Variants in ZHX3 observed in about 807,000 individuals in gnomAD.
The protein encoded by ZHX3 is zinc fingers and homeoboxes protein 3.
In ZHX3, 20 loss-of-function variants were observed where a neutral mutation model predicts 64.5. That is an observed-to-expected ratio of 0.31 (90% CI 0.22 to 0.45). The LOEUF is 0.45. Ranked by LOEUF, ZHX3 falls within the 20% of genes least tolerant of loss-of-function variation. ZHX3 has a pLI of 1.00. For synonymous variants in ZHX3, 423 were observed against 461.6 expected (o/e 0.92, Z 1.07); for missense variants, 1,041 against 1,195.8 (o/e 0.87, Z 1.91).
At position 41,181,224 on chromosome 20, in the gene ZHX3, T is replaced by G. The variant is rs1357630451; in HGVS notation, c.*3967A>C. On this transcript the variant is annotated 3_prime_UTR_variant, in exon 4 of 4. Coordinates refer to ENST00000683867, the MANE Select transcript of ZHX3 (RefSeq NM_001384317.1). ...GCTGCTGGCTTTGCCCTGGAAGACT[T>G]GACTATGTGGGCCTTCATGTGTCTA... 6.6e-6 allele frequency: 1 copy of G among 152,212 alleles called. No homozygotes were observed. Among genetic ancestry groups the G allele is most frequent in the Non-Finnish European group, 1.5e-5 (1 of 68,080 alleles). The allele number at this position is 152,212 out of a possible 1,614,324, so 9.4% of individuals were successfully genotyped here. A position where few individuals can be genotyped will look rare whatever the true frequency, so the allele number is the denominator to read the frequency against.
intron 2 of ZHX3, among the ~76,000 whole-genome samples, chr20:41,222,640 T>C (rs1396507991): frequency 6.6e-6 from 1 of 152,124 alleles, no homozygotes; most frequent in African/African-American, 2.4e-5. Flanking sequence ...GAAATTGCAC[T>C]CTCTGAGGTG....
intron 1 of ZHX3, among the ~76,000 whole-genome samples, chr20:41,307,541 T>G (rs1335912504): frequency 6.6e-6 from 1 of 152,240 alleles, no homozygotes; most frequent in Non-Finnish European, 1.5e-5. Context: ...ATAAAAGCCC[T>G]TCTCCACCAA....
intron 2 of ZHX3, among the ~76,000 whole-genome samples, chr20:41,257,740 T>C (rs1443133883): frequency 6.7e-6 from 1 of 150,308 alleles, no homozygotes; most frequent in East Asian, 1.9e-4. Flanking sequence ...GCCTCCTTAG[T>C]AGCTGGGACT....
chr20:41,247,944 C>G (rs917334029), intron 2 of ZHX3, among the ~76,000 whole-genome samples: 1 of 152,218 alleles, frequency 6.6e-6, no homozygotes, highest in Non-Finnish European at 1.5e-5. Flanking sequence ...GCTTCAAGCT[C>G]TTACAGAGCC....
chr20:41,286,691 T>G (rs1259486857), intron 1 of ZHX3, among the ~76,000 whole-genome samples: 1 of 152,164 alleles, frequency 6.6e-6, no homozygotes, highest in Non-Finnish European at 1.5e-5. Context: ...TAACCTCATC[T>G]CTTCTCTTCT....
At chr20:41,255,509 T>C (rs2042202767) in intron 2 of ZHX3, among the ~76,000 whole-genome samples, 1 of 152,182 alleles carries the variant, frequency 6.6e-6, no homozygotes, top group African/African-American at 2.4e-5. Flanking sequence ...ACAAATTAAT[T>C]ATATCAACCA....
chr20:41,282,097 A>G (rs1284766032), intron 1 of ZHX3, among the ~76,000 whole-genome samples: 1 of 152,166 alleles, frequency 6.6e-6, no homozygotes, highest in Non-Finnish European at 1.5e-5. Flanking sequence ...GTCCATGAAG[A>G]TGTCATTTAC....
intron 2 of ZHX3, among the ~76,000 whole-genome samples, chr20:41,223,048 T>C (rs1327196404): frequency 6.6e-6 from 1 of 152,188 alleles, no homozygotes; most frequent in Non-Finnish European, 1.5e-5. Flanking sequence ...CAGCAAGATC[T>C]TACACACAAG....
chr20:41,302,528 C>T (rs1230037660), intron 1 of ZHX3, among the ~76,000 whole-genome samples: 1 of 152,210 alleles, frequency 6.6e-6, no homozygotes, highest in African/African-American at 2.4e-5. Context: ...GCAGGTCCTG[C>T]ACCTCACTCT....
chr20:41,218,718 T>C (rs138003122), intron 2 of ZHX3, among the ~76,000 whole-genome samples: 3 of 152,262 alleles, frequency 2.0e-5, no homozygotes, highest in South Asian at 2.1e-4. Context: ...CTGGTTGCAA[T>C]TGTCAGATTT....
At chr20:41,241,117 T>A (rs915967884) in intron 2 of ZHX3, among the ~76,000 whole-genome samples, 2 of 152,210 alleles carry the variant, frequency 1.3e-5, no homozygotes, top group Non-Finnish European at 2.9e-5. Flanking sequence ...GGAAATTACA[T>A]TCCCAGCAAC....
intron 3 of ZHX3, among the ~76,000 whole-genome samples, chr20:41,192,494 G>T (rs775613233): frequency 6.3e-4 from 96 of 152,364 alleles, no homozygotes; most frequent in Non-Finnish European, 1.1e-3. Context: ...AGTGGGGAAT[G>T]CATGTGCCAC....
intron 2 of ZHX3, 122 bp downstream of exon 2, chr20:41,268,868 T>C (rs915710286): frequency 1.3e-5 from 2 of 151,924 alleles, no homozygotes; most frequent in Non-Finnish European, 2.9e-5. Flanking sequence ...TAATGTTTAA[T>C]AGCAATGCGA....
At chr20:41,303,438 C>T (rs1209792117) in intron 1 of ZHX3, among the ~76,000 whole-genome samples, 1 of 152,232 alleles carries the variant, frequency 6.6e-6, no homozygotes, top group African/African-American at 2.4e-5. Flanking sequence ...AAGCTCCACA[C>T]AGTAATTTTA....
chr20:41,205,524 A>C (rs533792346), intron 2 of ZHX3, among the ~76,000 whole-genome samples: 32 of 120,634 alleles, frequency 2.7e-4, no homozygotes, highest in Middle Eastern at 0.01. Flanking sequence ...GTCCCAAGCC[A>C]GGCCCAGGGA....
chr20:41,292,497 C>T (rs1442678802), intron 1 of ZHX3, among the ~76,000 whole-genome samples: 1 of 152,168 alleles, frequency 6.6e-6, no homozygotes, highest in Non-Finnish European at 1.5e-5. Flanking sequence ...AAAAGCACCT[C>T]TCCCCTAAGC....
chr20:41,281,975 G>C (rs2043699755), intron 1 of ZHX3, among the ~76,000 whole-genome samples: 1 of 152,152 alleles, frequency 6.6e-6, no homozygotes, highest in Non-Finnish European at 1.5e-5. Flanking sequence ...GTGCTGGCAG[G>C]GAAGATGGAT....
At chr20:41,283,341 TA>T (rs1487885947) in intron 1 of ZHX3, among the ~76,000 whole-genome samples, 12 of 152,162 alleles carry the variant, frequency 7.9e-5, no homozygotes, top group African/African-American at 2.7e-4. Context: ...CCAAAGTCCA[TA>T]ATGCAGGGTT....
At chr20:41,253,349 A>T (rs1049838513) in intron 2 of ZHX3, among the ~76,000 whole-genome samples, 1 of 151,984 alleles carries the variant, frequency 6.6e-6, no homozygotes, top group Admixed American at 6.6e-5. Context: ...ATAATTATGT[A>T]TATCTTTTGT....
Sources: gnomAD v4.1 joint callset for allele counts (sites outside exome capture counted in the v4.1 genomes callset) on GRCh38, gnomAD v4.1.1 for gene constraint, MANE v1.5 for transcripts, NCBI Gene and HGNC (gene_info 2026-07-23, HGNC 2026-07-21) for gene names.